The following DNMBP variants were observed in gnomAD, a reference collection of about 807,000 sequenced individuals.
The protein encoded by DNMBP is dynamin binding protein.
DNMBP carries 87 observed loss-of-function variants against 150.0 expected under a neutral mutation model. The observed-to-expected ratio is 0.58, with a 90% confidence interval of 0.49 to 0.69. DNMBP has a LOEUF of 0.69. DNMBP is among the 30% of genes least tolerant of loss of function. DNMBP has a pLI of 0.00. For synonymous variants in DNMBP, 711 were observed against 750.4 expected, an observed-to-expected ratio of 0.95 and a Z score of 0.86; for missense variants, 1,774 against 1,949.0, an observed-to-expected ratio of 0.91 and a Z score of 1.69.
At chr10:99,916,742 CTA>C (rs1308116081) in intron 4 of DNMBP, among the ~76,000 whole-genome samples, 1 of 151,674 alleles carries the variant, frequency 6.6e-6, no homozygotes, top group East Asian at 1.9e-4. Flanking sequence ...GGAATTTATT[CTA>C]CTAAATAATT....
chr10:99,976,785 TA>T (rs112087041), intron 1 of DNMBP, among the ~76,000 whole-genome samples: 21 of 146,496 alleles, frequency 1.4e-4, no homozygotes, highest in Admixed American at 1.4e-4. Flanking sequence ...AGTATTTTCT[TA>T]AAAAAAAAAA....
At chr10:99,914,060 T>C in intron 4 of DNMBP, 2 of 1,455,618 alleles carry the variant, frequency 1.4e-6, no homozygotes, top group South Asian at 1.4e-5. Context: ...CCAAACTCCT[T>C]TGAATAGGGT....
At chr10:99,972,184 G>A in intron 1 of DNMBP, 50 bp from the exon 2 acceptor site, 1 of 1,454,628 alleles carries the variant, frequency 6.9e-7, no homozygotes, top group Non-Finnish European at 9.4e-7. Context: ...TTAAGACACT[G>A]CAATATAGAT....
At position 99,955,060 on chromosome 10, in the gene DNMBP, G is replaced by GA. The variant is rs371096393; in HGVS notation, c.2260+153dup. ...AGAGCGAGACTGTCTCAAAAAAAAG[G>GA]AAAAAAAAAAAAAGAAAAGAAATTA... On this transcript the variant is annotated intron_variant, in intron 4 of 16. Coordinates refer to ENST00000324109, the MANE Select transcript of DNMBP (RefSeq NM_015221.4). Among the ~76,000 whole-genome samples, 662 of 128,214 alleles carry GA rather than the reference G, an allele frequency of 5.2e-3. 7 individuals carry two copies. The highest frequency in any genetic ancestry group is 0.015 in the African/African-American group (518 of 35,134). 84.1% of individuals were successfully genotyped at this position (128,214 alleles called of 152,430 possible).
At chr10:100,006,136 T>G (rs535844294) in intron 1 of DNMBP, among the ~76,000 whole-genome samples, 3 of 152,292 alleles carry the variant, frequency 2.0e-5, no homozygotes, top group African/African-American at 7.2e-5. Flanking sequence ...AAGGGAAAAT[T>G]CAGGGATCAG....
intron 3 of DNMBP, among the ~76,000 whole-genome samples, chr10:99,962,898 C>G (rs1362110099): frequency 6.6e-6 from 1 of 152,184 alleles, no homozygotes; most frequent in African/African-American, 2.4e-5. Context: ...GTTTTCCTAT[C>G]TATTTTCAAC....
At chr10:99,961,927 A>G (rs1285408822) in intron 3 of DNMBP, among the ~76,000 whole-genome samples, 3 of 149,456 alleles carry the variant, frequency 2.0e-5, no homozygotes, top group African/African-American at 7.4e-5. Flanking sequence ...CCCTTCTCCA[A>G]CTATCCAATA....
intron 4 of DNMBP, among the ~76,000 whole-genome samples, chr10:99,926,359 A>T (rs567436197): frequency 5.9e-4 from 90 of 152,282 alleles, no homozygotes; most frequent in African/African-American, 1.9e-3. Context: ...ATCATAGCTC[A>T]CTATAGCCTC....
At chr10:99,954,179 T>G (rs529841491) in intron 4 of DNMBP, among the ~76,000 whole-genome samples, 1 of 152,050 alleles carries the variant, frequency 6.6e-6, no homozygotes, top group East Asian at 2.0e-4. Flanking sequence ...ACTACTGGGA[T>G]ATACCACCAC....
intron 16 of DNMBP, among the ~76,000 whole-genome samples, chr10:99,878,307 C>T (rs1430879426): frequency 1.3e-5 from 2 of 152,188 alleles, no homozygotes; most frequent in Non-Finnish European, 2.9e-5. Flanking sequence ...GGAGGAGAAG[C>T]CATGAGGCCC....
intron 11 of DNMBP, among the ~76,000 whole-genome samples, chr10:99,891,580 C>T (rs1216463792): frequency 6.6e-6 from 1 of 151,922 alleles, no homozygotes; most frequent in Non-Finnish European, 1.5e-5. Flanking sequence ...ATTGCAGCCT[C>T]TGCCCGGCCG....
chr10:99,899,063 C>T (rs538291926), intron 7 of DNMBP, among the ~76,000 whole-genome samples: 14 of 152,096 alleles, frequency 9.2e-5, no homozygotes, highest in East Asian at 7.8e-4. Flanking sequence ...CATGGTGGCA[C>T]GTGCCTGTAA....
chr10:99,950,968 G>T (rs1023389148), intron 4 of DNMBP, among the ~76,000 whole-genome samples: 1 of 152,222 alleles, frequency 6.6e-6, no homozygotes, highest in Admixed American at 6.5e-5. Context: ...AGGTCTTCAC[G>T]GCAACTGCAC....
chr10:99,985,079 T>C (rs970040332), intron 1 of DNMBP, among the ~76,000 whole-genome samples: 3 of 152,116 alleles, frequency 2.0e-5, no homozygotes, highest in African/African-American at 7.2e-5. Flanking sequence ...TCTTGATATT[T>C]TGGAAGAAAA....
chr10:99,883,471 C>T (rs2039400597), intron 15 of DNMBP, among the ~76,000 whole-genome samples: 1 of 151,680 alleles, frequency 6.6e-6, no homozygotes, highest in African/African-American at 2.4e-5. Context: ...GGAGACCAGC[C>T]TGGACAACAT....
rs370318426 is a variant in DNMBP, at chr10:99,983,206, C to T, written c.-10-11072G>A. On this transcript the variant is annotated intron_variant, in intron 1 of 16. Coordinates refer to ENST00000324109, the MANE Select transcript of DNMBP (RefSeq NM_015221.4). ...TGGAACTGCTTTCCAGAAAACATTA[C>T]CTTTTGGGAACGAGAATCCATTTAA... Among the ~76,000 whole-genome samples, 54 of 152,136 alleles carry T rather than the reference C, an allele frequency of 3.5e-4. 1 individual carries two copies. The highest frequency in any genetic ancestry group is 1.2e-3 in the African/African-American group (49 of 41,440).
intron 1 of DNMBP, among the ~76,000 whole-genome samples, chr10:99,997,482 G>A (rs568402919): frequency 1.3e-5 from 2 of 152,226 alleles, no homozygotes; most frequent in East Asian, 3.9e-4. Context: ...ATGGAGGCCT[G>A]AATAACTTGG....
At chr10:99,930,659 G>A (rs1446202311) in intron 4 of DNMBP, 1 of 702,946 alleles carries the variant, frequency 1.4e-6, no homozygotes. Flanking sequence ...GCACTGTAAG[G>A]TTCCTTTTCC....
Position 99,908,969 on chromosome 10 carries a change from G to A in DNMBP, c.2438C>T (p.Pro813Leu). 3 of 1,613,548 alleles carry A rather than the reference G, an allele frequency of 1.9e-6. No individual in the cohort carries two copies. The highest frequency in any genetic ancestry group is 2.5e-6 in the Non-Finnish European group (3 of 1,179,722). The stretch of plus-strand genomic sequence containing the variant: ...AGTTCCCACCTGTGCCTGCTGCATG[G>A]GTACCATGATCCGCTCAATACACAT... ...LEMCIERIMVPMQQAQVPNID... is the reference protein window; with the variant it reads ...LEMCIERIMVLMQQAQVPNID... The change falls in exon 5 of 17, where the codon CCC becomes CTC. Residue 813 changes from proline (P) to leucine (L), a missense_variant. Around this residue, in one of 2 missense-constraint regions of DNMBP, gnomAD observed 1,430 missense variants for 1,492.5 expected, o/e 0.96. Transcript: ENST00000324109.
Sources: allele counts gnomAD v4.1 joint callset (sites outside exome capture counted in the v4.1 genomes callset), GRCh38; gene constraint gnomAD v4.1.1; regional missense constraint gnomAD v4.1.1; transcripts MANE v1.5; gene names NCBI Gene and HGNC (gene_info 2026-07-23, HGNC 2026-07-21).